The following TRA2B variants were observed in gnomAD, a reference collection of about 807,000 sequenced individuals.
The protein encoded by TRA2B is transformer 2 beta homolog.
A neutral mutation model predicts 41.7 loss-of-function variants in TRA2B; 14 were observed. The observed-to-expected ratio is 0.34, with a 90% CI of 0.22 to 0.53. The LOEUF (loss-of-function observed/expected upper bound fraction) is 0.53, where lower values mean the gene tolerates loss of function less well. Among genes scored for constraint, TRA2B ranks in the 20% least tolerant of loss-of-function variants. The pLI is 0.95. For missense variants in TRA2B, 167 were observed against 396.8 expected (o/e 0.42, Z 4.92); for synonymous variants, 130 against 128.8 (o/e 1.01, Z -0.06).
intron 1 of TRA2B, chr3:185,931,633 CTT>C: frequency 7.8e-7 from 1 of 1,289,628 alleles, no homozygotes; most frequent in Non-Finnish European, 9.8e-7. Context: ...ATTTTTATTT[CTT>C]TTCTTCATTC....
At chr3:185,923,725 G>A (rs1342342196) in intron 4 of TRA2B, 71 bp downstream of exon 4, 14 of 1,401,318 alleles carry the variant, frequency 1.0e-5, no homozygotes, top group Non-Finnish European at 1.3e-5. Context: ...CCTTATCCTA[G>A]CAATTGGTCA....
chr3:185,937,440 G>A (rs933091273), intron 1 of TRA2B: 4 of 1,034,166 alleles, frequency 3.9e-6, no homozygotes, highest in Non-Finnish European at 4.6e-6. Flanking sequence ...TGTGCCTCTG[G>A]CAGCTCGCCC....
At chr3:185,921,859 A>G in intron 5 of TRA2B, 152 bp downstream of exon 5, 1 of 535,580 alleles carries the variant, frequency 1.9e-6, no homozygotes, top group Non-Finnish European at 3.3e-6. Context: ...TTGAACTTCT[A>G]CTATGAGAAA....
At position 185,918,446 on chromosome 3, in the gene TRA2B, CA is replaced by C; in HGVS notation, c.783-9del. The stretch of plus-strand genomic sequence containing the variant: ...GGAGAAGGTGACCGCCTTCTATAAA[CA>C]AATGTCAAGATTGTCTAAGTCTCAA... On this transcript the variant is annotated splice_polypyrimidine_tract_variant and intron_variant, in intron 7 of 8. Coordinates refer to ENST00000453386, the MANE Select transcript of TRA2B (RefSeq NM_004593.3). The C allele has an allele frequency of 6.2e-7, 1 of 1,605,874 alleles. No individual in the cohort carries two copies. The highest frequency in any genetic ancestry group is 8.5e-7 in the Non-Finnish European group (1 of 1,172,920).
Sources: allele counts gnomAD v4.1 joint callset, GRCh38; gene constraint gnomAD v4.1.1; transcripts MANE v1.5; gene names NCBI Gene and HGNC (gene_info 2026-07-23, HGNC 2026-07-21).